MEI4: variants seen among roughly 807,000 people sequenced by gnomAD.
MEI4 encodes the protein meiosis-specific protein MEI4.
Under a neutral mutation model 31.4 loss-of-function variants are expected in MEI4, and 27 were observed. That is an observed-to-expected ratio of 0.86 (90% confidence interval 0.63 to 1.19). The LOEUF is 1.19. Among genes scored for constraint, MEI4 ranks in the 50% most tolerant of loss-of-function variants. The probability of loss-of-function intolerance (pLI) is 0.00; values close to 1 mark genes in which losing one functional copy is unlikely to be tolerated. For synonymous variants in MEI4, 122 were observed against 145.4 expected (o/e 0.84, Z 1.16); for missense variants, 329 against 398.9 (o/e 0.82, Z 1.49).
At chr6:77,778,528 C>T (rs979304556) in intron 3 of MEI4, among the ~76,000 whole-genome samples, 3 of 151,804 alleles carry the variant, frequency 2.0e-5, no homozygotes, top group Non-Finnish European at 2.9e-5. Flanking sequence ...TGGAGAAGCC[C>T]TGTCTCTACT....
intron 2 of MEI4, among the ~76,000 whole-genome samples, chr6:77,733,327 G>A (rs1767071786): frequency 6.6e-6 from 1 of 152,040 alleles, no homozygotes. Context: ...TCTATTCAGA[G>A]ATTCAACTTC....
At chr6:77,706,149 C>A (rs907779453) in intron 2 of MEI4, among the ~76,000 whole-genome samples, 1 of 152,150 alleles carries the variant, frequency 6.6e-6, no homozygotes, top group Non-Finnish European at 1.5e-5. Flanking sequence ...AATTAGAACC[C>A]CTTCCTGTAA....
chr6:77,766,518 A>G (rs1768178732), intron 3 of MEI4, among the ~76,000 whole-genome samples: 1 of 152,150 alleles, frequency 6.6e-6, no homozygotes, highest in African/African-American at 2.4e-5. Context: ...GGTTCACGCC[A>G]TTCTCCTGCC....
chr6:77,800,951 C>A (rs532999086), intron 3 of MEI4, among the ~76,000 whole-genome samples: 3 of 152,086 alleles, frequency 2.0e-5, no homozygotes, highest in East Asian at 1.9e-4. Context: ...GTCTAAAATT[C>A]TCTTTTTTGG....
intron 4 of MEI4, among the ~76,000 whole-genome samples, chr6:77,916,285 G>A (rs1296905992): frequency 1.3e-5 from 2 of 151,914 alleles, no homozygotes; most frequent in East Asian, 3.9e-4. Context: ...ATTGTTGCTG[G>A]AGAATTACTG....
At chr6:77,686,385 A>G (rs913653375) in intron 1 of MEI4, among the ~76,000 whole-genome samples, 2 of 151,568 alleles carry the variant, frequency 1.3e-5, no homozygotes, top group African/African-American at 2.4e-5. Flanking sequence ...CCCTCTTTTT[A>G]TCTTTCTCTT....
chr6:77,809,683 T>C (rs1451526331), intron 3 of MEI4, among the ~76,000 whole-genome samples: 1 of 152,194 alleles, frequency 6.6e-6, no homozygotes, highest in African/African-American at 2.4e-5. Flanking sequence ...TTCTGTCTTT[T>C]GACATATTCT....
At chr6:77,722,215 GGCGTTTACA>G (rs1561958192) in intron 2 of MEI4, among the ~76,000 whole-genome samples, 1 of 147,876 alleles carries the variant, frequency 6.8e-6, no homozygotes, top group African/African-American at 2.5e-5. Context: ...GTTGAATTAC[GGCGTTTACA>G]GCCCTTAAGT....
chr6:77,912,101 A>G (rs1766447328), intron 4 of MEI4, among the ~76,000 whole-genome samples: 1 of 151,924 alleles, frequency 6.6e-6, no homozygotes, highest in Non-Finnish European at 1.5e-5. Flanking sequence ...TTCCCAGTGG[A>G]TGTTCTTGAT....
rs1766404158 is a variant in MEI4 at position 77,910,344 on chromosome 6, G to GTT, written c.901-12745_901-12744insTT. 2.0e-5 allele frequency among the ~76,000 whole-genome samples: 3 copies of GTT among 152,230 alleles called. No individual in the cohort carries two copies. In the South Asian group the frequency reaches 6.2e-4, roughly 32 times the overall value. On this transcript the variant is annotated intron_variant, in intron 4 of 4. Transcript: ENST00000684080. ...AGCCCAAAATCTTCTTAAGCTGATA[G>GTT]GCAACTTCAGCAAAGTCTCAAGATT...
At chr6:77,906,107 G>A (rs1766291132) in intron 4 of MEI4, among the ~76,000 whole-genome samples, 1 of 151,798 alleles carries the variant, frequency 6.6e-6, no homozygotes, top group Non-Finnish European at 1.5e-5. Context: ...CTAATTCTGT[G>A]TATTTTCTTA....
intron 1 of MEI4, among the ~76,000 whole-genome samples, chr6:77,676,893 G>C (rs1008081957): frequency 6.6e-6 from 1 of 152,088 alleles, no homozygotes. Context: ...CACAGTTTGG[G>C]CCTCAAGTGT....
chr6:77,684,189 T>A (rs767287900), intron 1 of MEI4, among the ~76,000 whole-genome samples: 3 of 67,992 alleles, frequency 4.4e-5, no homozygotes, highest in African/African-American at 1.3e-4. Context: ...AATTTTTTAT[T>A]CATGTATTTT....
chr6:77,793,547 T>A (rs1010415039), intron 3 of MEI4, among the ~76,000 whole-genome samples: 10 of 152,146 alleles, frequency 6.6e-5, no homozygotes, highest in Admixed American at 3.3e-4. Context: ...GTATAAAAAT[T>A]AAAAGAGAAA....
chr6:77,663,886 C>T lies in MEI4; in HGVS notation c.-15+10794C>T, dbSNP rs980982526. The stretch of plus-strand genomic sequence containing the variant: ...GAGCCTTGGGCCAGAGTTCCAGGGG[C>T]TCTGGGAGTGGCTGCCAGGTGAGTT... On this transcript the variant is annotated intron_variant, in intron 1 of 4. Transcript: ENST00000684080. 6.3e-4 allele frequency among the ~76,000 whole-genome samples: 96 copies of T among 152,276 alleles called. 1 individual carries two copies. The highest frequency in any genetic ancestry group is 2.2e-3 in the African/African-American group (91 of 41,560).
intron 1 of MEI4, among the ~76,000 whole-genome samples, chr6:77,674,759 T>G (rs962658604): frequency 2.0e-5 from 3 of 152,140 alleles, no homozygotes; most frequent in Non-Finnish European, 4.4e-5. Context: ...ATAATAGATC[T>G]TTACAAGACA....
At chr6:77,666,154 GAAGTT>G (rs1768627990) in intron 1 of MEI4, among the ~76,000 whole-genome samples, 1 of 152,134 alleles carries the variant, frequency 6.6e-6, no homozygotes, top group African/African-American at 2.4e-5. Flanking sequence ...GATAGGCGGT[GAAGTT>G]AAGAGCAATG....
At chr6:77,785,756 C>G (rs1768718055) in intron 3 of MEI4, among the ~76,000 whole-genome samples, 1 of 152,082 alleles carries the variant, frequency 6.6e-6, no homozygotes, top group Non-Finnish European at 1.5e-5. Flanking sequence ...GAGCTTTTGG[C>G]CCCAGGCTCT....
At chr6:77,797,169 C>T (rs904390553) in intron 3 of MEI4, among the ~76,000 whole-genome samples, 2 of 152,154 alleles carry the variant, frequency 1.3e-5, no homozygotes, top group Non-Finnish European at 2.9e-5. Flanking sequence ...TCTTATCTCA[C>T]ACCATACTCA....
Sources: gnomAD v4.1 joint callset for allele counts (sites outside exome capture counted in the v4.1 genomes callset) on GRCh38, gnomAD v4.1.1 for gene constraint, MANE v1.5 for transcripts, NCBI Gene and HGNC (gene_info 2026-07-23, HGNC 2026-07-21) for gene names.